The following SPOCK1 variants were observed in gnomAD, a reference collection of about 807,000 sequenced individuals.
The protein encoded by SPOCK1 is testican-1.
In SPOCK1, 23 loss-of-function variants were observed where a neutral mutation model predicts 55.3. That is an observed-to-expected ratio of 0.42 (90% CI 0.30 to 0.59). SPOCK1 has a LOEUF of 0.59. Among genes scored for constraint, SPOCK1 ranks in the 20% least tolerant of loss-of-function variants. SPOCK1 has a pLI of 0.22. For missense variants in SPOCK1, 499 were observed against 552.5 expected, an observed-to-expected ratio of 0.90 and a Z score of 0.97; for synonymous variants, 226 against 221.0, an observed-to-expected ratio of 1.02 and a Z score of -0.20.
chr5:137,155,880 A>G (rs4976342), intron 3 of SPOCK1, among the ~76,000 whole-genome samples: 136,688 of 152,278 alleles, frequency 0.9, 61,431 homozygotes, highest in African/African-American at 0.93. Flanking sequence ...GGGCAGACCC[A>G]CTGGGCGGCC....
intron 9 of SPOCK1, among the ~76,000 whole-genome samples, chr5:136,982,423 G>T (rs1242170959): frequency 1.3e-5 from 2 of 152,078 alleles, no homozygotes; most frequent in African/African-American, 2.4e-5. Context: ...TACAGATATT[G>T]TGATTACAGA....
Position 137,498,356 on chromosome 5 carries a change from G to A in SPOCK1, c.186+17C>T, listed in dbSNP as rs775707673. ...GAGGCTCCGCGCCCCCCAGGGCCGG[G>A]TGGCGCCGGTACTCACGTCTCGAAA... On this transcript the variant is annotated intron_variant, in intron 2 of 10. Transcript: ENST00000394945. 5 of 1,570,524 alleles carry A rather than the reference G, an allele frequency of 3.2e-6. No homozygotes were observed. Among genetic ancestry groups the A allele is most frequent in the Non-Finnish European group, 3.5e-6 (4 of 1,159,176 alleles).
At chr5:137,108,228 C>A (rs555945447) in intron 5 of SPOCK1, among the ~76,000 whole-genome samples, 18 of 152,328 alleles carry the variant, frequency 1.2e-4, no homozygotes, top group African/African-American at 3.8e-4. Context: ...GTCTAAAACA[C>A]TCCAGTAGTA....
At chr5:137,379,511 A>G (rs1206132723) in intron 2 of SPOCK1, among the ~76,000 whole-genome samples, 3 of 152,072 alleles carry the variant, frequency 2.0e-5, no homozygotes, top group Middle Eastern at 3.4e-3. Flanking sequence ...TCAAGTAACA[A>G]GATCTCTTAA....
intron 9 of SPOCK1, among the ~76,000 whole-genome samples, chr5:136,981,552 T>C (rs1239981305): frequency 1.3e-5 from 2 of 152,224 alleles, no homozygotes; most frequent in Non-Finnish European, 2.9e-5. Context: ...TTGTAGATTT[T>C]TCTTTCTTCA....
At chr5:137,305,581 C>T (rs960046054) in intron 2 of SPOCK1, among the ~76,000 whole-genome samples, 1 of 151,906 alleles carries the variant, frequency 6.6e-6, no homozygotes, top group Non-Finnish European at 1.5e-5. Flanking sequence ...CGACAGGTTT[C>T]GGGATGGCCA....
rs760728894 is a variant in SPOCK1 at position 137,498,474 on chromosome 5, C to T, written c.85G>A (p.Gly29Arg). Residue 29 changes from glycine to arginine, a missense_variant, in exon 2 of 11, where the codon GGA (glycine) becomes AGA (arginine). Coordinates refer to ENST00000394945, the MANE Select transcript of SPOCK1 (RefSeq NM_004598.4). ...TTGCCGTGGTTGGGGCCCGCGCCTCCGGCGAGCGCGTCCAGGTGCCGGCTC... is the reference window on the plus strand; with the variant it reads ...TTGCCGTGGTTGGGGCCCGCGCCTCTGGCGAGCGCGTCCAGGTGCCGGCTC... ...VESRHLDALA[G>R]GAGPNHGNFL... The T allele has an allele frequency of 6.2e-7, 1 of 1,603,056 alleles. No individual in the cohort carries two copies. The highest frequency in any genetic ancestry group is 8.5e-7 in the Non-Finnish European group (1 of 1,176,558).
intron 5 of SPOCK1, among the ~76,000 whole-genome samples, chr5:137,109,484 T>A (rs1432355391): frequency 6.6e-6 from 1 of 152,152 alleles, no homozygotes; most frequent in Admixed American, 6.5e-5. Flanking sequence ...AGCCACTATC[T>A]ACTACACCCC....
intron 2 of SPOCK1, among the ~76,000 whole-genome samples, chr5:137,474,941 T>C (rs1450426145): frequency 6.6e-6 from 1 of 152,172 alleles, no homozygotes. Context: ...CTAAAGTATT[T>C]GGGTAAAAGG....
At chr5:137,003,632 T>C (rs962634202) in intron 6 of SPOCK1, among the ~76,000 whole-genome samples, 3 of 152,208 alleles carry the variant, frequency 2.0e-5, no homozygotes, top group African/African-American at 7.2e-5. Flanking sequence ...TAATGAGCAA[T>C]TTGTGTCCAG....
At chr5:137,435,979 C>T (rs1273093090) in intron 2 of SPOCK1, among the ~76,000 whole-genome samples, 2 of 149,772 alleles carry the variant, frequency 1.3e-5, no homozygotes, top group African/African-American at 4.9e-5. Context: ...CGTGGCAAAA[C>T]CCAGTCTCTA....
chr5:137,336,801 T>C (rs957730007), intron 2 of SPOCK1, among the ~76,000 whole-genome samples: 1 of 152,244 alleles, frequency 6.6e-6, no homozygotes, highest in Non-Finnish European at 1.5e-5. Flanking sequence ...CCCTGGGCTC[T>C]CTGCCTGGAG....
chr5:137,212,907 C>T (rs1234593006), intron 3 of SPOCK1, among the ~76,000 whole-genome samples: 1 of 152,070 alleles, frequency 6.6e-6, no homozygotes, highest in African/African-American at 2.4e-5. Context: ...TAAACATAAC[C>T]CCAAGCTTAG....
intron 3 of SPOCK1, among the ~76,000 whole-genome samples, chr5:137,262,053 A>C (rs991034551): frequency 2.0e-5 from 3 of 152,220 alleles, no homozygotes; most frequent in African/African-American, 7.2e-5. Flanking sequence ...ACTATAAATA[A>C]GTTTCCATTT....
intron 3 of SPOCK1, among the ~76,000 whole-genome samples, chr5:137,238,238 T>C (rs1756218252): frequency 6.6e-6 from 1 of 152,250 alleles, no homozygotes; most frequent in Admixed American, 6.5e-5. Flanking sequence ...TTAGTACTAA[T>C]GAAGTGTTAA....
Position 137,245,782 on chromosome 5 carries a change from A to AC in SPOCK1, c.232+21227_232+21228insG, listed in dbSNP as rs937325725. ...AAAACAAAACAAAACAAAACAAAAAAAAAACAAAAAAAAAAACTGTCTTGA... is the reference window on the plus strand; with the variant it reads ...AAAACAAAACAAAACAAAACAAAAAACAAAACAAAAAAAAAAACTGTCTTGA... On this transcript the variant is annotated intron_variant, in intron 3 of 10. Transcript: ENST00000394945. 5.4e-5 allele frequency among the ~76,000 whole-genome samples: 7 copies of AC among 129,690 alleles called. No homozygotes were observed. In the South Asian group the frequency reaches 1.5e-3, roughly 28 times the overall value. The allele number at this position is 129,690 out of a possible 152,430, so 85.1% of individuals were successfully genotyped here.
chr5:137,121,812 A>T (rs2127038275), intron 4 of SPOCK1, among the ~76,000 whole-genome samples: 1 of 146,732 alleles, frequency 6.8e-6, no homozygotes, highest in African/African-American at 2.5e-5. Context: ...CCCTATTAGT[A>T]GTATCCTTAT....
At chr5:137,317,126 C>T (rs1324642051) in intron 2 of SPOCK1, among the ~76,000 whole-genome samples, 1 of 152,180 alleles carries the variant, frequency 6.6e-6, no homozygotes, top group Non-Finnish European at 1.5e-5. Flanking sequence ...AGGGGCATGT[C>T]TTTTGGCAGA....
At chr5:137,213,791 G>A (rs1169065343) in intron 3 of SPOCK1, among the ~76,000 whole-genome samples, 1 of 152,204 alleles carries the variant, frequency 6.6e-6, no homozygotes, top group Non-Finnish European at 1.5e-5. Context: ...TTACTGTGAT[G>A]ATAATGACCT....
Sources: gnomAD v4.1 joint callset for allele counts (sites outside exome capture counted in the v4.1 genomes callset) on GRCh38, gnomAD v4.1.1 for gene constraint, MANE v1.5 for transcripts, NCBI Gene and HGNC (gene_info 2026-07-23, HGNC 2026-07-21) for gene names.